Variants in DAB1 observed in about 807,000 individuals in gnomAD.
The protein encoded by DAB1 is DAB adaptor protein 1.
Under a neutral mutation model 64.6 loss-of-function variants are expected in DAB1, and 15 were observed. The ratio of observed to expected loss-of-function variants is 0.23; its 90% CI spans 0.16 to 0.36. DAB1 has a LOEUF of 0.36. Ranked by LOEUF, DAB1 falls within the 10% of genes least tolerant of loss-of-function variation. DAB1 has a pLI of 1.00. For synonymous variants in DAB1, 235 were observed against 251.9 expected (o/e 0.93, Z 0.64); for missense variants, 596 against 706.7 (o/e 0.84, Z 1.78).
At chr1:58,355,255 G>T (rs1644099108) in intron 3 of DAB1, among the ~76,000 whole-genome samples, 2 of 152,188 alleles carry the variant, frequency 1.3e-5, no homozygotes, top group South Asian at 4.1e-4. Context: ...TCACCAGCCA[G>T]TCTCCATCTG....
At chr1:58,518,222 AGG>A (rs1491249140) in intron 2 of DAB1, among the ~76,000 whole-genome samples, 27 of 2,218 alleles carry the variant, frequency 0.012, no homozygotes, top group East Asian at 0.026. Context: ...GAGAGGGGAG[AGG>A]GGAGAGGGGA....
intron 1 of DAB1, among the ~76,000 whole-genome samples, chr1:57,360,074 T>G (rs1049698283): frequency 6.6e-6 from 1 of 151,990 alleles, no homozygotes; most frequent in Non-Finnish European, 1.5e-5. Flanking sequence ...TCTTGAAAAA[T>G]GCAGAGTTGA....
chr1:57,095,527 T>C (rs185786956), intron 4 of DAB1, among the ~76,000 whole-genome samples: 80 of 152,286 alleles, frequency 5.3e-4, no homozygotes, highest in African/African-American at 1.4e-3. Flanking sequence ...CAAAGAAAAG[T>C]CAACTTTCCA....
rs553895582 is a variant in DAB1, at chr1:58,033,508, T to C, written n.387+117003A>G. On this transcript the variant is annotated intron_variant and non_coding_transcript_variant, in intron 5 of 20. Transcript: ENST00000485760. ...GGGAATATGACTAAAACATTCTTCATCCAGCAAATTCCTATGCATCCTTCA... is the reference window on the plus strand; with the variant it reads ...GGGAATATGACTAAAACATTCTTCACCCAGCAAATTCCTATGCATCCTTCA... Among the ~76,000 whole-genome samples, 77 of 152,334 alleles carry C rather than the reference T, an allele frequency of 5.1e-4. No homozygotes were observed. In the East Asian group the frequency reaches 6.6e-3, roughly 13 times the overall value.
intron 5 of DAB1, among the ~76,000 whole-genome samples, chr1:57,943,901 G>C (rs772409892): frequency 6.6e-6 from 1 of 152,138 alleles, no homozygotes. Flanking sequence ...GCTGCGGAAA[G>C]AATAAGGCCT....
At chr1:58,330,936 A>T (rs1662955372) in intron 4 of DAB1, among the ~76,000 whole-genome samples, 1 of 152,216 alleles carries the variant, frequency 6.6e-6, no homozygotes, top group South Asian at 2.1e-4. Context: ...TCTGCAGTCC[A>T]TTGATGAAGG....
intron 5 of DAB1, among the ~76,000 whole-genome samples, chr1:57,986,212 C>A (rs915224839): frequency 6.6e-6 from 1 of 152,064 alleles, no homozygotes; most frequent in African/African-American, 2.4e-5. Context: ...TGAATGTTTG[C>A]GTGCCTGCAA....
intron 9 of DAB1, among the ~76,000 whole-genome samples, chr1:57,036,232 T>C (rs1647145985): frequency 6.6e-6 from 1 of 152,134 alleles, no homozygotes; most frequent in Admixed American, 6.5e-5. Flanking sequence ...GCCCAACACT[T>C]CCTAGACCTC....
At chr1:57,215,847 G>T (rs1280246286) in intron 2 of DAB1, among the ~76,000 whole-genome samples, 3 of 152,144 alleles carry the variant, frequency 2.0e-5, no homozygotes, top group Non-Finnish European at 4.4e-5. Context: ...TTTGGAAAAG[G>T]CCAAGCTTAC....
chr1:57,165,260 TA>T (rs1661120730), intron 2 of DAB1, among the ~76,000 whole-genome samples: 1 of 152,144 alleles, frequency 6.6e-6, no homozygotes, highest in African/African-American at 2.4e-5. Context: ...GTTTTTTTTT[TA>T]ATCAGATAAC....
chr1:57,049,647 C>G (rs1648971813), intron 9 of DAB1, among the ~76,000 whole-genome samples: 1 of 151,906 alleles, frequency 6.6e-6, no homozygotes, highest in South Asian at 2.1e-4. Context: ...ACTCATCTCG[C>G]TTTTTCATCT....
intron 3 of DAB1, among the ~76,000 whole-genome samples, chr1:58,489,631 G>C (rs1645641384): frequency 2.0e-5 from 3 of 152,194 alleles, no homozygotes; most frequent in African/African-American, 7.2e-5. Flanking sequence ...TCTGAGAACA[G>C]ACAGACTGCC....
chr1:57,324,423 T>C (rs189356744), intron 1 of DAB1, among the ~76,000 whole-genome samples: 1 of 152,320 alleles, frequency 6.6e-6, no homozygotes, highest in Admixed American at 6.5e-5. Context: ...ATCTGTTTAT[T>C]TTCCAATTAG....
intron 1 of DAB1, among the ~76,000 whole-genome samples, chr1:57,831,537 CTTTTTTTTTTTT>C (rs5774372): frequency 5.3e-5 from 6 of 112,346 alleles, no homozygotes; most frequent in Non-Finnish European, 7.2e-5. Flanking sequence ...ATTTTCTTCT[CTTTTTTTTTTTT>C]TTTTTTTTTT....
intron 5 of DAB1, among the ~76,000 whole-genome samples, chr1:57,962,079 G>A (rs1001635111): frequency 1.3e-5 from 2 of 152,028 alleles, no homozygotes; most frequent in Non-Finnish European, 2.9e-5. Flanking sequence ...AGAGTTAAGA[G>A]TAGTTTCAGA....
At chr1:57,308,629 G>A (rs1004407834) in intron 1 of DAB1, among the ~76,000 whole-genome samples, 4 of 152,114 alleles carry the variant, frequency 2.6e-5, no homozygotes, top group African/African-American at 9.7e-5. Context: ...CAATCATTCT[G>A]GTGGCATATT....
intron 7 of DAB1, among the ~76,000 whole-genome samples, chr1:57,647,439 G>A (rs1181192175): frequency 6.6e-6 from 1 of 152,134 alleles, no homozygotes; most frequent in Non-Finnish European, 1.5e-5. Context: ...TCCAAGGGTA[G>A]GCTTTGCTTA....
At chr1:58,121,872 G>A (rs891304954) in intron 5 of DAB1, among the ~76,000 whole-genome samples, 49 of 152,170 alleles carry the variant, frequency 3.2e-4, no homozygotes, top group African/African-American at 1.1e-3. Context: ...TCCTTTCCTT[G>A]CCTTCTTAAG....
At chr1:57,591,446 C>T (rs1645444497) in intron 7 of DAB1, among the ~76,000 whole-genome samples, 1 of 152,190 alleles carries the variant, frequency 6.6e-6, no homozygotes, top group Non-Finnish European at 1.5e-5. Context: ...AAAGGCAGCA[C>T]TAAGGTGTGG....
Sources: allele counts gnomAD v4.1 joint callset (sites outside exome capture counted in the v4.1 genomes callset), GRCh38; gene constraint gnomAD v4.1.1; transcripts MANE v1.5; gene names NCBI Gene and HGNC (gene_info 2026-07-23, HGNC 2026-07-21).